The following RBFOX1 variants were observed in gnomAD, a reference collection of about 807,000 sequenced individuals.
RBFOX1 encodes the protein RNA binding protein fox-1 homolog 1.
A neutral mutation model predicts 57.7 loss-of-function variants in RBFOX1; 8 were observed. The ratio of observed to expected loss-of-function variants is 0.14; its 90% CI spans 0.08 to 0.25. The LOEUF (loss-of-function observed/expected upper bound fraction) is 0.25. RBFOX1 is among the 10% of genes least tolerant of loss of function. RBFOX1 has a pLI of 1.00. For missense variants in RBFOX1, 611 were observed against 548.5 expected (o/e 1.11, Z -1.14); for synonymous variants, 326 against 222.4 (o/e 1.47, Z -4.15).
chr16:5,305,027 G>T (rs1358335272), intron 1 of RBFOX1, among the ~76,000 whole-genome samples: 1 of 152,110 alleles, frequency 6.6e-6, no homozygotes, highest in Non-Finnish European at 1.5e-5. Context: ...CCTTTCACAG[G>T]TAGGTTTTCA....
chr16:5,899,529 G>T (rs1242461604), intron 4 of RBFOX1, among the ~76,000 whole-genome samples: 1 of 152,204 alleles, frequency 6.6e-6, no homozygotes, highest in African/African-American at 2.4e-5. Flanking sequence ...GGGCCACTCT[G>T]TGTGAATTCC....
intron 4 of RBFOX1, among the ~76,000 whole-genome samples, chr16:7,209,727 CT>C (rs1201987295): frequency 6.6e-6 from 1 of 152,134 alleles, no homozygotes; most frequent in Non-Finnish European, 1.5e-5. Flanking sequence ...TGAGTGTAAC[CT>C]TTGTGGGGGC....
intron 4 of RBFOX1, among the ~76,000 whole-genome samples, chr16:7,225,848 A>G (rs2093066227): frequency 6.7e-6 from 1 of 148,768 alleles, no homozygotes; most frequent in South Asian, 2.1e-4. Flanking sequence ...GCATATGTAT[A>G]CATATGTAAC....
chr16:7,585,229 T>C (rs1050762474), intron 6 of RBFOX1, among the ~76,000 whole-genome samples: 6 of 152,216 alleles, frequency 3.9e-5, no homozygotes, highest in African/African-American at 7.2e-5. Context: ...TTCTTTACTA[T>C]GAAATTCAGC....
chr16:6,121,835 G>A (rs2096552179), intron 1 of RBFOX1, among the ~76,000 whole-genome samples: 2 of 149,766 alleles, frequency 1.3e-5, no homozygotes, highest in Non-Finnish European at 2.9e-5. Flanking sequence ...AAGGATGACT[G>A]TGGGATTAAG....
At chr16:5,862,316 C>T (rs1383074906) in intron 3 of RBFOX1, among the ~76,000 whole-genome samples, 1 of 152,202 alleles carries the variant, frequency 6.6e-6, no homozygotes, top group Non-Finnish European at 1.5e-5. Context: ...CCCGGTCCGG[C>T]ACCGTGGTGT....
chr16:7,613,171 AG>A (rs1568096573), intron 10 of RBFOX1, among the ~76,000 whole-genome samples: 1 of 152,140 alleles, frequency 6.6e-6, no homozygotes, highest in African/African-American at 2.4e-5. Context: ...AACCACCCCT[AG>A]GGATATTTAT....
In RBFOX1 at chr16:6,142,393, T is replaced by G. The variant is rs551879728; in HGVS notation, c.-127+122401T>G. Among the ~76,000 whole-genome samples the G allele has an allele frequency of 2.0e-4, 31 of 151,856 alleles. 1 individual carries two copies. The highest frequency in any genetic ancestry group is 7.5e-4 in the African/African-American group (31 of 41,442). ...CCCGCCTCCGCACGTGGCTAATTTTTTGTATTTTTAGTAGAGATGGGGTTT... is the reference window on the plus strand; with the variant it reads ...CCCGCCTCCGCACGTGGCTAATTTTGTGTATTTTTAGTAGAGATGGGGTTT... On this transcript the variant is annotated intron_variant, in intron 1 of 15. Transcript: ENST00000550418.
At position 6,746,374 on chromosome 16, in the gene RBFOX1, A is replaced by T. The variant is rs185951895; in HGVS notation, c.-16+91724A>T. 4.6e-5 allele frequency among the ~76,000 whole-genome samples: 7 copies of T among 152,274 alleles called. No homozygotes were observed. In the East Asian group the frequency reaches 1.4e-3, roughly 29 times the overall value. On this transcript the variant is annotated intron_variant, in intron 3 of 15. Coordinates refer to ENST00000550418, the MANE Select transcript of RBFOX1 (RefSeq NM_018723.4). Reference sequence around the variant, plus strand: ...TGATTTGCAGACTTAATGGAAAGCTACAATAATCAAGAAAGTGGTGCGCTG... The same window carrying T: ...TGATTTGCAGACTTAATGGAAAGCTTCAATAATCAAGAAAGTGGTGCGCTG...
intron 2 of RBFOX1, among the ~76,000 whole-genome samples, chr16:6,581,503 G>T (rs1434380741): frequency 6.6e-6 from 1 of 152,162 alleles, no homozygotes; most frequent in Admixed American, 6.5e-5. Context: ...TCTACCCTGG[G>T]CTCTGATGGT....
At chr16:5,535,064 A>T (rs2044642632) in intron 2 of RBFOX1, among the ~76,000 whole-genome samples, 1 of 152,246 alleles carries the variant, frequency 6.6e-6, no homozygotes, top group Non-Finnish European at 1.5e-5. Flanking sequence ...ATCCTACTGG[A>T]GAGAGATAAA....
intron 1 of RBFOX1, among the ~76,000 whole-genome samples, chr16:5,343,263 C>G (rs185421995): frequency 1.4e-5 from 2 of 144,938 alleles, no homozygotes; most frequent in East Asian, 4.1e-4. Context: ...CAGTTAAAGT[C>G]ATTACATTTC....
chr16:6,189,910 G>T (rs921938601), intron 1 of RBFOX1, among the ~76,000 whole-genome samples: 1 of 152,146 alleles, frequency 6.6e-6, no homozygotes, highest in Non-Finnish European at 1.5e-5. Context: ...TGTGCTTGAG[G>T]GGTATTGCTA....
At chr16:6,193,405 T>TATATATA (rs1555545418) in intron 1 of RBFOX1, among the ~76,000 whole-genome samples, 1 of 85,066 alleles carries the variant, frequency 1.2e-5, no homozygotes, top group Non-Finnish European at 2.3e-5. Context: ...TATATATATA[T>TATATATA]ATATATATAT....
At chr16:7,179,877 G>T (rs978353935) in intron 4 of RBFOX1, among the ~76,000 whole-genome samples, 4 of 151,760 alleles carry the variant, frequency 2.6e-5, no homozygotes, top group African/African-American at 9.7e-5. Flanking sequence ...TGGGATAACA[G>T]ACATCTGCCA....
At chr16:5,979,023 C>G (rs140592610) in intron 4 of RBFOX1, among the ~76,000 whole-genome samples, 112 of 152,292 alleles carry the variant, frequency 7.4e-4, no homozygotes, top group African/African-American at 2.7e-3. Flanking sequence ...AGGCCCCTCT[C>G]GCCTTCTCCT....
At chr16:5,522,765 T>C (rs2044071387) in intron 2 of RBFOX1, among the ~76,000 whole-genome samples, 1 of 152,192 alleles carries the variant, frequency 6.6e-6, no homozygotes, top group Non-Finnish European at 1.5e-5. Context: ...TTGCTGTAGC[T>C]TTGAAATAGG....
At chr16:6,908,657 C>G (rs934424147) in intron 3 of RBFOX1, among the ~76,000 whole-genome samples, 1 of 152,142 alleles carries the variant, frequency 6.6e-6, no homozygotes, top group African/African-American at 2.4e-5. Flanking sequence ...CAGAATATGG[C>G]CCTCTAATTA....
intron 13 of RBFOX1, among the ~76,000 whole-genome samples, chr16:7,671,061 G>A (rs1443231666): frequency 6.6e-6 from 1 of 152,164 alleles, no homozygotes; most frequent in African/African-American, 2.4e-5. Flanking sequence ...ATGAATTCAT[G>A]AACTGCAATT....
Sources: gnomAD v4.1 joint callset for allele counts (sites outside exome capture counted in the v4.1 genomes callset) on GRCh38, gnomAD v4.1.1 for gene constraint, MANE v1.5 for transcripts, NCBI Gene and HGNC (gene_info 2026-07-23, HGNC 2026-07-21) for gene names.